The following TRDN variants were observed in gnomAD, a reference collection of about 807,000 sequenced individuals.
TRDN encodes triadin in skeletal muscle.
TRDN carries 161 observed loss-of-function variants against 149.7 expected under a neutral mutation model. The ratio of observed to expected loss-of-function variants is 1.08; its 90% CI spans 0.95 to 1.23. The LOEUF (loss-of-function observed/expected upper bound fraction) is 1.23. Among genes scored for constraint, TRDN ranks in the 50% most tolerant of loss-of-function variants. The probability of loss-of-function intolerance (pLI) is 0.00; values close to 1 mark genes in which losing one functional copy is unlikely to be tolerated. For synonymous variants in TRDN, 294 were observed against 250.5 expected, an observed-to-expected ratio of 1.17 and a Z score of -1.64; for missense variants, 896 against 823.5, an observed-to-expected ratio of 1.09 and a Z score of -1.08.
intron 1 of TRDN, among the ~76,000 whole-genome samples, chr6:123,591,403 G>A (rs923430399): frequency 3.3e-5 from 5 of 151,918 alleles, no homozygotes; most frequent in South Asian, 2.1e-4. Flanking sequence ...GCCCCACCAC[G>A]CCCAGCTAAT....
At chr6:123,308,978 A>C (rs1045568961) in intron 24 of TRDN, among the ~76,000 whole-genome samples, 1 of 152,004 alleles carries the variant, frequency 6.6e-6, no homozygotes, top group African/African-American at 2.4e-5. Flanking sequence ...AATCAATGTT[A>C]ATTAATTTAA....
At position 123,217,012 on chromosome 6, in the gene TRDN, C is replaced by T. The variant is rs1320370039; in HGVS notation, c.*1589G>A. The stretch of plus-strand genomic sequence containing the variant: ...TCTCCTACCCACAAGTTTAGATTGT[C>T]ACCTGAAGGGGCTTTGCAAGATGGT... On this transcript the variant is annotated 3_prime_UTR_variant, in exon 41 of 41. Transcript: ENST00000334268. 1 of 151,980 alleles carries T rather than the reference C, an allele frequency of 6.6e-6. No homozygotes were observed. The highest frequency in any genetic ancestry group is 1.5e-5 in the Non-Finnish European group (1 of 67,958). The allele number at this position is 151,980 out of a possible 1,614,324, so 9.4% of individuals were successfully genotyped here. A position where few individuals can be genotyped will look rare whatever the true frequency, so the allele number is the denominator to read the frequency against.
intron 9 of TRDN, among the ~76,000 whole-genome samples, chr6:123,465,582 C>CAAAAAA (rs1223948612): frequency 2.9e-4 from 19 of 65,458 alleles, no homozygotes; most frequent in East Asian, 9.2e-4. Context: ...TTATGAACTG[C>CAAAAAA]AAAAAAAAAA....
At chr6:123,322,116 T>C (rs1779263910) in intron 23 of TRDN, among the ~76,000 whole-genome samples, 1 of 152,194 alleles carries the variant, frequency 6.6e-6, no homozygotes, top group African/African-American at 2.4e-5. Context: ...ATGCATTCTC[T>C]ATGCTCCCAT....
Position 123,507,265 on chromosome 6 carries a change from A to C in TRDN, c.611-3364T>G, listed in dbSNP as rs1241246737. Among the ~76,000 whole-genome samples, 9 of 152,210 alleles carry C rather than the reference A, an allele frequency of 5.9e-5. No individual in the cohort carries two copies. In the East Asian group the frequency reaches 1.7e-3, roughly 29 times the overall value. ...TGTAAGTTACAGTTGATTTAACCTT[A>C]ACTTTATAGTATGGAACTATAGATG... is the stretch of plus-strand genomic sequence containing the variant. On this transcript the variant is annotated intron_variant, in intron 7 of 40. Coordinates refer to ENST00000334268, the MANE Select transcript of TRDN (RefSeq NM_006073.4).
At chr6:123,610,916 C>A (rs1457155462) in intron 1 of TRDN, among the ~76,000 whole-genome samples, 2 of 151,968 alleles carry the variant, frequency 1.3e-5, no homozygotes, top group Admixed American at 6.6e-5. Context: ...TTGAGAGGCC[C>A]CAAAGTAGAA....
chr6:123,491,013 G>A lies in TRDN; in HGVS notation c.853+6180C>T, dbSNP rs1177904863. 3.9e-5 allele frequency among the ~76,000 whole-genome samples: 6 copies of A among 152,102 alleles called. No individual in the cohort carries two copies. The South Asian group carries it at 6.2e-4, about 16-fold the overall frequency. On this transcript the variant is annotated intron_variant, in intron 9 of 40. Transcript: ENST00000334268. ...CCCAGCTACTCGCAAGGCTGAGGCAGGAGAATTGCTTGAACCCGGGAGGCA... is the reference window on the plus strand; with the variant it reads ...CCCAGCTACTCGCAAGGCTGAGGCAAGAGAATTGCTTGAACCCGGGAGGCA...
At chr6:123,611,567 G>A (rs1233025243) in intron 1 of TRDN, among the ~76,000 whole-genome samples, 3 of 152,088 alleles carry the variant, frequency 2.0e-5, no homozygotes, top group Non-Finnish European at 4.4e-5. Context: ...GTCCTATTAT[G>A]TATAAGACAG....
intron 5 of TRDN, among the ~76,000 whole-genome samples, chr6:123,523,808 G>A (rs1430300711): frequency 6.6e-6 from 1 of 152,092 alleles, no homozygotes; most frequent in Non-Finnish European, 1.5e-5. Flanking sequence ...GATGAGACAG[G>A]TAAATTAACA....
intron 20 of TRDN, among the ~76,000 whole-genome samples, chr6:123,357,954 T>TA (rs1319204790): frequency 6.6e-6 from 1 of 152,186 alleles, no homozygotes; most frequent in Non-Finnish European, 1.5e-5. Flanking sequence ...ACATTTCACA[T>TA]AAAATGTTGA....
intron 38 of TRDN, among the ~76,000 whole-genome samples, chr6:123,246,261 G>A (rs548275831): frequency 3.7e-4 from 57 of 152,124 alleles, no homozygotes; most frequent in African/African-American, 1.3e-3. Context: ...AGGAGATAGA[G>A]ACACAAAAAT....
intron 33 of TRDN, among the ~76,000 whole-genome samples, chr6:123,264,741 C>T (rs182761496): frequency 1.3e-5 from 2 of 152,188 alleles, no homozygotes; most frequent in East Asian, 1.9e-4. Context: ...TTCTAACCTT[C>T]AGAAACCACC....
At chr6:123,462,075 T>G (rs1308608370) in intron 10 of TRDN, among the ~76,000 whole-genome samples, 2 of 152,208 alleles carry the variant, frequency 1.3e-5, no homozygotes, top group Non-Finnish European at 2.9e-5. Flanking sequence ...ACCACAATGA[T>G]GATGTGAAGT....
chr6:123,521,599 C>G (rs1024173620), intron 5 of TRDN, among the ~76,000 whole-genome samples: 1 of 152,024 alleles, frequency 6.6e-6, no homozygotes, highest in African/African-American at 2.4e-5. Context: ...GGACTTCCAG[C>G]CTCAATAAGG....
chr6:123,480,942 A>G (rs1777721549), intron 9 of TRDN, among the ~76,000 whole-genome samples: 4 of 152,062 alleles, frequency 2.6e-5, no homozygotes, highest in Admixed American at 2.6e-4. Flanking sequence ...CCAGACTCCT[A>G]GAATCTGTTG....
At chr6:123,384,719 A>C (rs1582949207) in intron 14 of TRDN, among the ~76,000 whole-genome samples, 1 of 152,216 alleles carries the variant, frequency 6.6e-6, no homozygotes, top group Non-Finnish European at 1.5e-5. Flanking sequence ...AGGGTCAGGC[A>C]AATGAAACTC....
intron 18 of TRDN, among the ~76,000 whole-genome samples, chr6:123,376,429 A>G (rs1781507861): frequency 6.6e-6 from 1 of 152,154 alleles, no homozygotes. Flanking sequence ...AATTTATAAA[A>G]ATGTAATTGT....
At chr6:123,620,173 G>C (rs1297443296) in intron 1 of TRDN, among the ~76,000 whole-genome samples, 1 of 152,152 alleles carries the variant, frequency 6.6e-6, no homozygotes, top group Non-Finnish European at 1.5e-5. Context: ...TAGGGAATTT[G>C]TTTTTAAAGT....
intron 10 of TRDN, among the ~76,000 whole-genome samples, chr6:123,448,257 G>A (rs1775520374): frequency 6.6e-6 from 1 of 152,188 alleles, no homozygotes; most frequent in Non-Finnish European, 1.5e-5. Context: ...CGGGGAGGGT[G>A]CAAATCTGGT....
Sources: allele counts gnomAD v4.1 joint callset (sites outside exome capture counted in the v4.1 genomes callset), GRCh38; gene constraint gnomAD v4.1.1; transcripts MANE v1.5; gene names NCBI Gene and HGNC (gene_info 2026-07-23, HGNC 2026-07-21).